COIL: variants seen among roughly 807,000 people sequenced by gnomAD.
COIL encodes coilin.
Under a neutral mutation model 51.6 loss-of-function variants are expected in COIL, and 28 were observed. That is an observed-to-expected ratio of 0.54 (90% CI 0.40 to 0.74). The LOEUF (loss-of-function observed/expected upper bound fraction) is 0.74, where lower values mean the gene tolerates loss of function less well. Among genes scored for constraint, COIL ranks in the 30% least tolerant of loss-of-function variants. COIL has a pLI of 0.00. For missense variants in COIL, 667 were observed against 685.9 expected (o/e 0.97, Z 0.31); for synonymous variants, 233 against 255.8 (o/e 0.91, Z 0.85).
intron 4 of COIL, 111 bp downstream of exon 4, chr17:56,949,276 G>T: frequency 1.3e-6 from 1 of 767,196 alleles, no homozygotes; most frequent in Non-Finnish European, 2.0e-6. Flanking sequence ...CTACTTTCTG[G>T]CATTTTTATT....
At chr17:56,960,276 C>G (rs1465321049) in intron 1 of COIL, among the ~76,000 whole-genome samples, 1 of 151,702 alleles carries the variant, frequency 6.6e-6, no homozygotes, top group East Asian at 1.9e-4. Context: ...GCAATCCCAG[C>G]ACTTTGAGAG....
intron 4 of COIL, among the ~76,000 whole-genome samples, chr17:56,948,252 AG>A (rs1320962058): frequency 6.7e-6 from 1 of 149,256 alleles, no homozygotes; most frequent in Non-Finnish European, 1.5e-5. Flanking sequence ...CTCCTGCCTC[AG>A]CCTCCTGAGT....
At chr17:56,959,102 T>C (rs201524016) in intron 1 of COIL, among the ~76,000 whole-genome samples, 1 of 151,404 alleles carries the variant, frequency 6.6e-6, no homozygotes, top group East Asian at 1.9e-4. Flanking sequence ...CCCAGTGCTT[T>C]GGGGGGCTGA....
At chr17:56,956,264 G>A (rs1051442834) in intron 1 of COIL, among the ~76,000 whole-genome samples, 10 of 152,068 alleles carry the variant, frequency 6.6e-5, no homozygotes, top group Non-Finnish European at 1.3e-4. Flanking sequence ...TTTGAGATGC[G>A]GTCTTGCTCT....
At chr17:56,939,498 C>T (rs369916640) in intron 6 of COIL, among the ~76,000 whole-genome samples, 8 of 152,026 alleles carry the variant, frequency 5.3e-5, no homozygotes, top group Admixed American at 3.9e-4. Context: ...GCCTATAATC[C>T]TAGCACTCTG....
At position 56,950,004 on chromosome 17, in the gene COIL, C is replaced by A; in HGVS notation, c.1238G>T (p.Arg413Leu). Residue 413 changes from arginine (R) to leucine (L), a missense_variant, in exon 2 of 7, where the codon CGG becomes CTG. Coordinates refer to ENST00000240316, the MANE Select transcript of COIL (RefSeq NM_004645.3). ...SWKGAKGRGM[R>L]GRGRGRGHPV... ...ATGCCCTCGTCCTCGACCTCTCCCC[C>A]GCATGCCCCGTCCCTTAGCTCCCTT... is the stretch of plus-strand genomic sequence containing the variant. 3 of 1,614,174 alleles carry A rather than the reference C, an allele frequency of 1.9e-6. No individual in the cohort carries two copies. The highest frequency in any genetic ancestry group is 2.5e-6 in the Non-Finnish European group (3 of 1,180,016).
intron 1 of COIL, chr17:56,952,493 AC>A (rs1910392751): frequency 3.3e-6 from 1 of 307,522 alleles, no homozygotes; most frequent in Non-Finnish European, 6.2e-6. Flanking sequence ...GATGAGATTA[AC>A]ATTTAAATTG....
At chr17:56,949,559 G>A (rs1427976109) in intron 3 of COIL, 122 bp downstream of exon 3, 61 of 1,344,840 alleles carry the variant, frequency 4.5e-5, no homozygotes, top group Middle Eastern at 1.8e-4. Context: ...CCAGGAACCC[G>A]TAACAACACT....
chr17:56,938,961 CA>C lies in COIL; in HGVS notation c.*109del. 1.7e-6 allele frequency: 1 copy of C among 588,906 alleles called. No individual in the cohort carries two copies. Among genetic ancestry groups the C allele is most frequent in the Non-Finnish European group, 3.0e-6 (1 of 333,828 alleles). 36.5% of individuals were successfully genotyped at this position (588,906 alleles called of 1,614,324 possible). ...TTCCTATGCAGTAAAGTGAAGATAA[CA>C]AAAAAATCCATACAACTTCCAAATC... On this transcript the variant is annotated 3_prime_UTR_variant, in exon 7 of 7. Coordinates refer to ENST00000240316, the MANE Select transcript of COIL (RefSeq NM_004645.3).
chr17:56,944,125 C>T (rs561053555), intron 5 of COIL, among the ~76,000 whole-genome samples: 13 of 152,194 alleles, frequency 8.5e-5, no homozygotes, highest in East Asian at 7.7e-4. Flanking sequence ...CCTTCGCCCC[C>T]GAAGCCATTT....
At chr17:56,944,200 T>C (rs1910201096) in intron 5 of COIL, among the ~76,000 whole-genome samples, 1 of 152,176 alleles carries the variant, frequency 6.6e-6, no homozygotes, top group South Asian at 2.1e-4. Flanking sequence ...TGACAAGCAC[T>C]GATCAGGCTG....
chr17:56,958,939 C>T (rs1040795501), intron 1 of COIL, among the ~76,000 whole-genome samples: 4 of 152,062 alleles, frequency 2.6e-5, no homozygotes, highest in South Asian at 2.1e-4. Context: ...AGAAATCTTA[C>T]GGAATCTGAC....
chr17:56,942,793 G>C (rs1166303069), intron 5 of COIL, among the ~76,000 whole-genome samples: 1 of 152,220 alleles, frequency 6.6e-6, no homozygotes, highest in Admixed American at 6.5e-5. Flanking sequence ...TGGGATTACA[G>C]GCGTGAGCCA....
At chr17:56,948,132 ATTT>A (rs11450212) in intron 4 of COIL, among the ~76,000 whole-genome samples, 9 of 123,816 alleles carry the variant, frequency 7.3e-5, no homozygotes, top group African/African-American at 1.2e-4. Context: ...TTGAGGAAAG[ATTT>A]TTTTTTTTTT....
At chr17:56,945,352 C>T (rs1298899473) in intron 5 of COIL, among the ~76,000 whole-genome samples, 2 of 151,978 alleles carry the variant, frequency 1.3e-5, no homozygotes, top group Admixed American at 1.3e-4. Context: ...AAAAGGAAAA[C>T]AATTAATTGC....
intron 1 of COIL, among the ~76,000 whole-genome samples, chr17:56,952,734 C>A (rs191357390): frequency 6.6e-6 from 1 of 152,264 alleles, no homozygotes; most frequent in East Asian, 1.9e-4. Context: ...ACTTCTCAAT[C>A]TCCACAATCC....
chr17:56,949,669 T>G lies in COIL; in HGVS notation c.1440+12A>C. ...GAACCTTTTTTGCTGTGACTGTTCT[T>G]TTGAAATATACCTTAAATGCAATCT... On this transcript the variant is annotated intron_variant, in intron 3 of 6. Transcript: ENST00000240316. 1.2e-6 allele frequency: 2 copies of G among 1,609,810 alleles called. No homozygotes were observed. The highest frequency in any genetic ancestry group is 1.7e-6 in the Non-Finnish European group (2 of 1,176,056).
rs1218008896 is a variant in COIL at position 56,960,958 on chromosome 17, G to C, written c.62C>G (p.Pro21Arg). 1.9e-6 allele frequency: 3 copies of C among 1,614,170 alleles called. No homozygotes were observed. The highest frequency in any genetic ancestry group is 2.5e-6 in the Non-Finnish European group (3 of 1,180,020). The stretch of plus-strand genomic sequence containing the variant: ...CAGAAGCCAGAAGGCCGTACAGTGC[G>C]GGGTAGCTGGCGGCGGGTAATCAAA... ...LQFDYPPPAT[P>R]HCTAFWLLVD... The change falls in exon 1 of 7, where the codon CCG becomes CGG. Residue 21 changes from proline (P) to arginine (R), a missense_variant. Transcript: ENST00000240316.
intron 1 of COIL, 43 bp downstream of exon 1, chr17:56,960,732 C>G (rs1910578287): frequency 3.4e-6 from 5 of 1,458,314 alleles, no homozygotes; most frequent in Non-Finnish European, 4.5e-6. Flanking sequence ...GCGCGTCCCC[C>G]GCCCGCCGCC....
Sources: gnomAD v4.1 joint callset for allele counts (sites outside exome capture counted in the v4.1 genomes callset) on GRCh38, gnomAD v4.1.1 for gene constraint, MANE v1.5 for transcripts, NCBI Gene and HGNC (gene_info 2026-07-23, HGNC 2026-07-21) for gene names.